Variants in DPP6 observed in about 807,000 individuals in gnomAD.
The protein encoded by DPP6 is A-type potassium channel modulatory protein DPP6.
In DPP6, 69 loss-of-function variants were observed where a neutral mutation model predicts 122.6. The ratio of observed to expected loss-of-function variants is 0.56; its 90% CI spans 0.46 to 0.69. The LOEUF is 0.69. DPP6 is among the 30% of genes least tolerant of loss of function. The pLI is 0.00. For missense variants in DPP6, 928 were observed against 1,116.9 expected (o/e 0.83, Z 2.41); for synonymous variants, 418 against 433.1 (o/e 0.97, Z 0.43).
At chr7:154,245,073 C>T (rs12667642) in intron 1 of DPP6, among the ~76,000 whole-genome samples, 5,863 of 151,562 alleles carry the variant, frequency 0.039, 181 homozygotes, top group East Asian at 0.13. Flanking sequence ...GCCTCAGCCT[C>T]CCGAGTAGCT....
At chr7:154,246,526 T>G (rs73726197) in intron 1 of DPP6, among the ~76,000 whole-genome samples, 1 of 152,092 alleles carries the variant, frequency 6.6e-6, no homozygotes. Context: ...TGGTAGAAAT[T>G]GACAAGCAGA....
At chr7:154,286,493 A>G (rs780043558) in intron 1 of DPP6, among the ~76,000 whole-genome samples, 1 of 152,228 alleles carries the variant, frequency 6.6e-6, no homozygotes, top group Non-Finnish European at 1.5e-5. Flanking sequence ...GCCAGCCTTC[A>G]TCTATCAGGG....
At chr7:154,619,331 T>C (rs1563019080) in intron 5 of DPP6, among the ~76,000 whole-genome samples, 2 of 152,254 alleles carry the variant, frequency 1.3e-5, no homozygotes, top group Non-Finnish European at 2.9e-5. Flanking sequence ...CTCGTAGCGT[T>C]ACCTATTGCT....
At chr7:154,511,451 T>C (rs1345025482) in intron 3 of DPP6, among the ~76,000 whole-genome samples, 1 of 152,302 alleles carries the variant, frequency 6.6e-6, no homozygotes, top group East Asian at 1.9e-4. Context: ...TAAAGAAATG[T>C]TTTTTTGCAT....
chr7:154,046,666 C>G (rs545840899), intron 1 of DPP6, among the ~76,000 whole-genome samples: 2 of 152,268 alleles, frequency 1.3e-5, no homozygotes, highest in South Asian at 4.1e-4. Context: ...TTATGTTTCA[C>G]AGTCATTGTG....
At chr7:154,730,046 C>T (rs1268207330) in intron 8 of DPP6, among the ~76,000 whole-genome samples, 1 of 152,206 alleles carries the variant, frequency 6.6e-6, no homozygotes, top group African/African-American at 2.4e-5. Flanking sequence ...ATCCCTGAGC[C>T]TCTGGGGCTT....
intron 3 of DPP6, among the ~76,000 whole-genome samples, chr7:154,511,451 T>G (rs1345025482): frequency 6.6e-6 from 1 of 152,184 alleles, no homozygotes; most frequent in Non-Finnish European, 1.5e-5. Flanking sequence ...TAAAGAAATG[T>G]TTTTTTGCAT....
At chr7:153,918,462 A>ACTCT (rs1200617313) in intron 1 of DPP6, among the ~76,000 whole-genome samples, 9 of 80,282 alleles carry the variant, frequency 1.1e-4, no homozygotes, top group African/African-American at 2.8e-4. Context: ...ACACACACAC[A>ACTCT]CACACTCTCT....
intron 8 of DPP6, among the ~76,000 whole-genome samples, chr7:154,759,496 C>G (rs1288639224): frequency 6.6e-6 from 1 of 152,232 alleles, no homozygotes; most frequent in Non-Finnish European, 1.5e-5. Context: ...ACTCTCGAGG[C>G]CAGGCAGAGG....
In DPP6 at chr7:154,203,207, A is replaced by T. The variant is rs144422952; in HGVS notation, c.243+150144A>T. Among the ~76,000 whole-genome samples the T allele has an allele frequency of 8.2e-3, 1,242 of 152,326 alleles. 23 individuals carry two copies. Among genetic ancestry groups the T allele is most frequent in the African/African-American group, 0.028 (1,173 of 41,568 alleles). On this transcript the variant is annotated intron_variant, in intron 1 of 25. Coordinates refer to ENST00000377770, the MANE Select transcript of DPP6 (RefSeq NM_130797.4). The stretch of plus-strand genomic sequence containing the variant: ...CCGGCATATAATGTTTGCAGCTAGC[A>T]TTTAGAGTGCATGGGGCTGCTGATG...
intron 1 of DPP6, among the ~76,000 whole-genome samples, chr7:154,209,461 A>G (rs1261405046): frequency 1.3e-5 from 2 of 152,148 alleles, no homozygotes; most frequent in African/African-American, 2.4e-5. Flanking sequence ...CTAGTTTTAA[A>G]TCTAGTTAAC....
intron 5 of DPP6, among the ~76,000 whole-genome samples, chr7:154,581,210 G>T (rs529088536): frequency 6.6e-6 from 1 of 152,158 alleles, no homozygotes; most frequent in East Asian, 1.9e-4. Context: ...GGATACAAGC[G>T]AGGGTAGCAG....
chr7:154,887,800 G>T lies in DPP6; in HGVS notation c.2304+66G>T. On this transcript the variant is annotated intron_variant, in intron 23 of 25. Coordinates refer to ENST00000377770, the MANE Select transcript of DPP6 (RefSeq NM_130797.4). ...AGCCTCTGCCACAGTCTCCCAGCCT[G>T]CCCTGGCTGTATGGCCCACTCTGCC... 3 of 1,589,698 alleles carry T rather than the reference G, an allele frequency of 1.9e-6. 1 individual carries two copies. The highest frequency in any genetic ancestry group is 2.2e-5 in the South Asian group (2 of 90,598).
At chr7:153,931,453 A>G (rs900346941) in intron 1 of DPP6, among the ~76,000 whole-genome samples, 1 of 152,246 alleles carries the variant, frequency 6.6e-6, no homozygotes, top group Admixed American at 6.5e-5. Context: ...AAGTTTTACT[A>G]TCATTTCAGG....
At chr7:153,919,533 T>C (rs1338161328) in intron 1 of DPP6, among the ~76,000 whole-genome samples, 2 of 124,284 alleles carry the variant, frequency 1.6e-5, no homozygotes, top group Admixed American at 1.6e-4. Context: ...ATGTGTTTAA[T>C]AGAGGACTTC....
intron 18 of DPP6, among the ~76,000 whole-genome samples, chr7:154,872,292 C>T (rs1804464079): frequency 6.6e-6 from 1 of 152,252 alleles, no homozygotes; most frequent in African/African-American, 2.4e-5. Context: ...AGGCAGCCCT[C>T]CTGCTCTCAG....
chr7:154,614,921 C>T (rs1471971524), intron 5 of DPP6, among the ~76,000 whole-genome samples: 3 of 152,204 alleles, frequency 2.0e-5, no homozygotes, highest in Non-Finnish European at 4.4e-5. Context: ...TCACTTCCCT[C>T]ATGGGACCGC....
At position 154,804,921 on chromosome 7, in the gene DPP6, T is replaced by C; in HGVS notation, c.1504T>C (p.Phe502Leu). 1 of 1,602,436 alleles carries C rather than the reference T, an allele frequency of 6.2e-7. No individual in the cohort carries two copies. The highest frequency in any genetic ancestry group is 1.1e-5 in the South Asian group (1 of 88,380). ...AYDEKGNKIY[F>L]LSTEDLPRRR... ...GCACCTTGGTGATCTTTGCAGCTAC[T>C]TCCTGAGCACGGAGGACCTGCCTCG... Residue 502 changes from phenylalanine to leucine, a missense_variant, in exon 15 of 26, where the codon TTC (phenylalanine) becomes CTC (leucine). Coordinates refer to ENST00000377770, the MANE Select transcript of DPP6 (RefSeq NM_130797.4).
intron 21 of DPP6, chr7:154,881,154 G>A (rs1178943316): frequency 2.5e-6 from 2 of 806,414 alleles, no homozygotes; most frequent in Non-Finnish European, 3.5e-6. Context: ...ACATTATCTG[G>A]AAGGAAAGAG....
Sources: gnomAD v4.1 joint callset for allele counts (sites outside exome capture counted in the v4.1 genomes callset) on GRCh38, gnomAD v4.1.1 for gene constraint, MANE v1.5 for transcripts, NCBI Gene and HGNC (gene_info 2026-07-23, HGNC 2026-07-21) for gene names.